The following DNAJC15 variants were observed in gnomAD, a reference collection of about 807,000 sequenced individuals.
DNAJC15 encodes dnaJ homolog subfamily C member 15.
In DNAJC15, 27 loss-of-function variants were observed where a neutral mutation model predicts 22.4. The ratio of observed to expected loss-of-function variants is 1.20; its 90% CI spans 0.89 to 1.66. The LOEUF (loss-of-function observed/expected upper bound fraction) is 1.66. Ranked by LOEUF, DNAJC15 falls within the 40% of genes most tolerant of loss-of-function variation. The pLI, the probability that DNAJC15 is intolerant of heterozygous loss-of-function variation, is 0.00. For missense variants in DNAJC15, 208 were observed against 187.1 expected (o/e 1.11, Z -0.65); for synonymous variants, 79 against 63.2 (o/e 1.25, Z -1.19).
chr13:43,104,030 T>G (rs2040783830), intron 5 of DNAJC15, among the ~76,000 whole-genome samples: 1 of 152,192 alleles, frequency 6.6e-6, no homozygotes, highest in African/African-American at 2.4e-5. Flanking sequence ...ACCTGCTGGA[T>G]TTTTATTAAT....
At chr13:43,094,401 G>A (rs2040729729) in intron 5 of DNAJC15, among the ~76,000 whole-genome samples, 1 of 152,260 alleles carries the variant, frequency 6.6e-6, no homozygotes, top group East Asian at 1.9e-4. Context: ...GAAAACCTGG[G>A]GTTGGGGCCC....
At chr13:43,039,254 A>AT (rs2040442427) in intron 1 of DNAJC15, among the ~76,000 whole-genome samples, 1 of 151,616 alleles carries the variant, frequency 6.6e-6, no homozygotes, top group Admixed American at 6.6e-5. Context: ...GTTCTCTGTC[A>AT]TTTTTTTCAA....
chr13:43,073,630 C>T (rs1566210379), intron 3 of DNAJC15, among the ~76,000 whole-genome samples: 1 of 152,036 alleles, frequency 6.6e-6, no homozygotes, highest in Non-Finnish European at 1.5e-5. Context: ...AAAAGGGTTT[C>T]TTTTTTTCTC....
intron 1 of DNAJC15, among the ~76,000 whole-genome samples, chr13:43,039,941 C>T (rs912576420): frequency 6.6e-6 from 1 of 152,178 alleles, no homozygotes; most frequent in Non-Finnish European, 1.5e-5. Flanking sequence ...ATTGGTTGTA[C>T]ACGGGAAGTG....
chr13:43,031,914 A>G (rs183240929), intron 1 of DNAJC15, among the ~76,000 whole-genome samples: 1 of 152,388 alleles, frequency 6.6e-6, no homozygotes. Context: ...ATGTAATTCA[A>G]GGAATTGGCT....
At chr13:43,084,362 G>T (rs912440) in intron 4 of DNAJC15, among the ~76,000 whole-genome samples, 1 of 151,928 alleles carries the variant, frequency 6.6e-6, no homozygotes, top group Non-Finnish European at 1.5e-5. Context: ...TAAACCTGGG[G>T]GTAGGTTTTA....
At position 43,068,999 on chromosome 13, in the gene DNAJC15, C is replaced by A; in HGVS notation, c.230C>A (p.Thr77Asn). 1 of 1,611,938 alleles carries A rather than the reference C, an allele frequency of 6.2e-7. No homozygotes were observed. The highest frequency in any genetic ancestry group is 8.5e-7 in the Non-Finnish European group (1 of 1,178,952). ...VITETAKKIS[T>N]PSFSSYYKGG... ...ACAGAAACTGCAAAGAAGATTTCAACTCCTGTAAGTTAAACGTGGCTTTAG... is the reference window on the plus strand; with the variant it reads ...ACAGAAACTGCAAAGAAGATTTCAAATCCTGTAAGTTAAACGTGGCTTTAG... Residue 77 changes from threonine to asparagine, a missense_variant, in exon 3 of 6, where the codon ACT (threonine) becomes AAT (asparagine). Coordinates refer to ENST00000379221, the MANE Select transcript of DNAJC15 (RefSeq NM_013238.3).
Position 43,085,779 on chromosome 13 carries a change from G to T in DNAJC15, c.323G>T (p.Gly108Val). ...ATTTCTTTTTACAGCCCATCTGCTGGCAAGGCTAAGATTAGAACAGCTCAT... is the reference window on the plus strand; with the variant it reads ...ATTTCTTTTTACAGCCCATCTGCTGTCAAGGCTAAGATTAGAACAGCTCAT... ...GLILGVSPSA[G>V]KAKIRTAHRR... Residue 108 changes from glycine (G) to valine (V), a missense_variant, in exon 5 of 6, where the codon GGC (glycine) becomes GTC (valine). Coordinates refer to ENST00000379221, the MANE Select transcript of DNAJC15 (RefSeq NM_013238.3). The T allele has an allele frequency of 6.2e-7, 1 of 1,612,340 alleles. No individual in the cohort carries two copies. Among genetic ancestry groups the T allele is most frequent in the East Asian group, 2.2e-5 (1 of 44,780 alleles).
At chr13:43,039,871 T>C (rs1160841774) in intron 1 of DNAJC15, among the ~76,000 whole-genome samples, 1 of 151,990 alleles carries the variant, frequency 6.6e-6, no homozygotes, top group Admixed American at 6.6e-5. Context: ...ATACAAAAGT[T>C]AGCCAGGCGT....
intron 1 of DNAJC15, among the ~76,000 whole-genome samples, chr13:43,048,431 G>A (rs2040487704): frequency 6.6e-6 from 1 of 152,392 alleles, no homozygotes; most frequent in East Asian, 1.9e-4. Context: ...GGCGGAGGTT[G>A]TGGTGAGCCG....
intron 1 of DNAJC15, among the ~76,000 whole-genome samples, chr13:43,047,045 C>G (rs1321992040): frequency 6.6e-6 from 1 of 152,168 alleles, no homozygotes; most frequent in Non-Finnish European, 1.5e-5. Context: ...TTCTTGGAAT[C>G]TGTGAGGCCA....
intron 1 of DNAJC15, among the ~76,000 whole-genome samples, chr13:43,044,105 G>T (rs1447280446): frequency 1.3e-5 from 2 of 151,924 alleles, no homozygotes; most frequent in African/African-American, 4.8e-5. Flanking sequence ...ATATTGATTT[G>T]CCAGCAGTCT....
chr13:43,085,365 G>C (rs371777252), intron 4 of DNAJC15, among the ~76,000 whole-genome samples: 5 of 151,134 alleles, frequency 3.3e-5, no homozygotes, highest in Admixed American at 6.6e-5. Context: ...CTCCTTCTTG[G>C]GGGGTGGGGG....
intron 1 of DNAJC15, among the ~76,000 whole-genome samples, chr13:43,063,770 G>A (rs926780633): frequency 3.3e-5 from 5 of 152,190 alleles, no homozygotes; most frequent in African/African-American, 1.2e-4. Context: ...GGTATTAAGA[G>A]CAGGTAGGAT....
chr13:43,047,313 AAT>A (rs1471806446), intron 1 of DNAJC15, among the ~76,000 whole-genome samples: 1 of 152,230 alleles, frequency 6.6e-6, no homozygotes, highest in African/African-American at 2.4e-5. Context: ...TAACTAATGT[AAT>A]ATATATTACA....
chr13:43,050,494 G>A (rs2040497844), intron 1 of DNAJC15, among the ~76,000 whole-genome samples: 1 of 151,796 alleles, frequency 6.6e-6, no homozygotes, highest in South Asian at 2.1e-4. Flanking sequence ...GTCTTCTTGT[G>A]TTGCCGAGGC....
At chr13:43,101,566 C>T (rs1285944714) in intron 5 of DNAJC15, among the ~76,000 whole-genome samples, 1 of 152,158 alleles carries the variant, frequency 6.6e-6, no homozygotes, top group Non-Finnish European at 1.5e-5. Context: ...CCTCATCTCC[C>T]TTTTCTTTCT....
At chr13:43,041,538 G>T (rs867466500) in intron 1 of DNAJC15, among the ~76,000 whole-genome samples, 18 of 152,128 alleles carry the variant, frequency 1.2e-4, no homozygotes, top group African/African-American at 3.6e-4. Context: ...TCTTGTAGAT[G>T]ATCCCTGCCT....
chr13:43,075,976 A>G (rs939896314), intron 3 of DNAJC15, among the ~76,000 whole-genome samples: 3 of 151,870 alleles, frequency 2.0e-5, no homozygotes, highest in African/African-American at 7.3e-5. Context: ...ACTTCTTTCC[A>G]TTTGTATCTG....
Sources: gnomAD v4.1 joint callset for allele counts (sites outside exome capture counted in the v4.1 genomes callset) on GRCh38, gnomAD v4.1.1 for gene constraint, MANE v1.5 for transcripts, NCBI Gene and HGNC (gene_info 2026-07-23, HGNC 2026-07-21) for gene names.